GRIN3A: variants seen among roughly 807,000 people sequenced by gnomAD.
The protein encoded by GRIN3A is glutamate receptor ionotropic, NMDA 3A.
A neutral mutation model predicts 92.4 loss-of-function variants in GRIN3A; 47 were observed. The observed-to-expected ratio is 0.51, with a 90% CI of 0.40 to 0.65. The LOEUF is 0.65. Ranked by LOEUF, GRIN3A falls within the 30% of genes least tolerant of loss-of-function variation. The pLI is 0.00. For missense variants in GRIN3A, 1,324 were observed against 1,393.1 expected, an observed-to-expected ratio of 0.95 and a Z score of 0.79; for synonymous variants, 527 against 540.6, an observed-to-expected ratio of 0.97 and a Z score of 0.35.
At chr9:101,693,285 T>C (rs928419441) in intron 1 of GRIN3A, among the ~76,000 whole-genome samples, 3 of 148,220 alleles carry the variant, frequency 2.0e-5, no homozygotes, top group Non-Finnish European at 3.0e-5. Flanking sequence ...CACGGAGGGG[T>C]CACACGTGCC....
Position 101,736,809 on chromosome 9 carries a change from A to G in GRIN3A, c.699+472T>C, listed in dbSNP as rs1245336823. Reference sequence around the variant, plus strand: ...CTCAGGCACACCTTCTGAAGAAGTCAGAGAGAGCAGATGCTGCTTTTCCGA... The same window carrying G: ...CTCAGGCACACCTTCTGAAGAAGTCGGAGAGAGCAGATGCTGCTTTTCCGA... On this transcript the variant is annotated intron_variant, in intron 1 of 8. Coordinates refer to ENST00000361820, the MANE Select transcript of GRIN3A (RefSeq NM_133445.3). 2.0e-5 allele frequency among the ~76,000 whole-genome samples: 3 copies of G among 152,276 alleles called. No individual in the cohort carries two copies. In the East Asian group the frequency reaches 5.8e-4, roughly 29 times the overall value.
Position 101,613,496 on chromosome 9 carries a change from T to A in GRIN3A, c.2646A>T (p.Pro882=). 6.2e-7 allele frequency: 1 copy of A among 1,614,188 alleles called. No individual in the cohort carries two copies. Among genetic ancestry groups the A allele is most frequent in the Non-Finnish European group, 8.5e-7 (1 of 1,180,024 alleles). ...TTAGCTCGGATATGTTGGCGGTCAA[T>A]GGAGAGTTGGGTGGGAGGCCAATGC... is the stretch of plus-strand genomic sequence containing the variant. The part of the protein sequence containing the change: ...GYGIGLPPNS[P]LTANISELIS... The change falls in exon 6 of 9, where the codon CCA becomes CCT. Residue 882 remains proline, a synonymous_variant. Transcript: ENST00000361820.
intron 2 of GRIN3A, among the ~76,000 whole-genome samples, chr9:101,673,116 C>T (rs932482630): frequency 2.6e-5 from 4 of 151,910 alleles, no homozygotes; most frequent in African/African-American, 9.7e-5. Flanking sequence ...AAAGAGGAAC[C>T]CTTCATTATT....
In GRIN3A at chr9:101,708,665, C is replaced by G. The variant is rs141478070; in HGVS notation, c.700-21465G>C. Among the ~76,000 whole-genome samples the G allele has an allele frequency of 2.2e-3, 334 of 152,234 alleles. 1 individual carries two copies. Among genetic ancestry groups the G allele is most frequent in the Non-Finnish European group, 3.4e-3 (231 of 67,982 alleles). ...AGAGATCCAGAATTAAATTTATCAT[C>G]TTTGTTCAAAGCATAAATCTTCAGA... On this transcript the variant is annotated intron_variant, in intron 1 of 8. Transcript: ENST00000361820.
At chr9:101,694,178 A>G (rs942215493) in intron 1 of GRIN3A, among the ~76,000 whole-genome samples, 14 of 152,202 alleles carry the variant, frequency 9.2e-5, no homozygotes, top group Non-Finnish European at 1.9e-4. Flanking sequence ...CCCACTTCTT[A>G]AAATAGAGTA....
chr9:101,588,552 G>C (rs1337827376), intron 6 of GRIN3A, among the ~76,000 whole-genome samples: 1 of 152,026 alleles, frequency 6.6e-6, no homozygotes, highest in Non-Finnish European at 1.5e-5. Context: ...CATTAGCTCT[G>C]TTGTGCAGTT....
rs1829965447 is a variant in GRIN3A, at chr9:101,717,791, G to C, written c.699+19490C>G. Among the ~76,000 whole-genome samples, 3 of 152,326 alleles carry C rather than the reference G, an allele frequency of 2.0e-5. No homozygotes were observed. In the South Asian group the frequency reaches 6.2e-4, roughly 32 times the overall value. ...GGAAAGCAGTGGTTCAAAGATGTGAGAACAATGTCACTTTCTGTCATTTGT... is the reference window on the plus strand; with the variant it reads ...GGAAAGCAGTGGTTCAAAGATGTGACAACAATGTCACTTTCTGTCATTTGT... On this transcript the variant is annotated intron_variant, in intron 1 of 8. Transcript: ENST00000361820.
chr9:101,695,612 C>G (rs1184582743), intron 1 of GRIN3A, among the ~76,000 whole-genome samples: 1 of 152,120 alleles, frequency 6.6e-6, no homozygotes, highest in Admixed American at 6.5e-5. Context: ...AATGTGACAG[C>G]AGAACCTGAC....
intron 3 of GRIN3A, 108 bp downstream of exon 3, chr9:101,669,952 A>G (rs943118116): frequency 1.2e-6 from 1 of 844,678 alleles, no homozygotes. Flanking sequence ...CTTGGCTGAG[A>G]GAATATTCCT....
At chr9:101,628,686 T>G (rs907714587) in intron 3 of GRIN3A, among the ~76,000 whole-genome samples, 4 of 152,168 alleles carry the variant, frequency 2.6e-5, no homozygotes, top group Admixed American at 1.3e-4. Context: ...CCATGCAAAT[T>G]GGCATGTAGA....
chr9:101,699,552 C>T (rs1302178068), intron 1 of GRIN3A, among the ~76,000 whole-genome samples: 1 of 152,136 alleles, frequency 6.6e-6, no homozygotes, highest in African/African-American at 2.4e-5. Context: ...AATTGCTAAC[C>T]AGCCCTTATA....
intron 1 of GRIN3A, among the ~76,000 whole-genome samples, chr9:101,706,753 C>A (rs1829819585): frequency 6.6e-6 from 1 of 152,142 alleles, no homozygotes; most frequent in Non-Finnish European, 1.5e-5. Context: ...TCAGATGGAC[C>A]AGGAAGCTTC....
At chr9:101,660,083 A>G (rs1829152842) in intron 3 of GRIN3A, among the ~76,000 whole-genome samples, 2 of 151,738 alleles carry the variant, frequency 1.3e-5, no homozygotes, top group Non-Finnish European at 2.9e-5. Context: ...TGTCTGATCC[A>G]TATAAGACCC....
intron 1 of GRIN3A, among the ~76,000 whole-genome samples, chr9:101,714,511 TCAGA>T (rs1173604489): frequency 1.3e-5 from 2 of 152,164 alleles, no homozygotes; most frequent in African/African-American, 2.4e-5. Flanking sequence ...CAGTTAGAAC[TCAGA>T]CAGCTCCTCT....
chr9:101,633,772 C>T (rs898410659), intron 3 of GRIN3A, among the ~76,000 whole-genome samples: 5 of 151,000 alleles, frequency 3.3e-5, no homozygotes, highest in Non-Finnish European at 7.4e-5. Context: ...AAAAATTGTC[C>T]ACAAAATCGG....
At chr9:101,687,379 T>C (rs911695384) in intron 1 of GRIN3A, among the ~76,000 whole-genome samples, 179 bp from the exon 2 acceptor site, 2 of 152,186 alleles carry the variant, frequency 1.3e-5, no homozygotes, top group African/African-American at 2.4e-5. Context: ...TATTGATTCC[T>C]AACAACTGAT....
chr9:101,590,562 A>T (rs191122777), intron 6 of GRIN3A, among the ~76,000 whole-genome samples: 1 of 151,852 alleles, frequency 6.6e-6, no homozygotes, highest in Admixed American at 6.6e-5. Flanking sequence ...TTGTATTTTT[A>T]GTAGAGATGG....
intron 1 of GRIN3A, among the ~76,000 whole-genome samples, chr9:101,715,099 C>A (rs1209254172): frequency 6.7e-6 from 1 of 149,482 alleles, no homozygotes; most frequent in Non-Finnish European, 1.5e-5. Flanking sequence ...GGACATTCTT[C>A]AATCAACTAG....
intron 1 of GRIN3A, among the ~76,000 whole-genome samples, chr9:101,715,570 T>C (rs1829934496): frequency 6.6e-6 from 1 of 152,200 alleles, no homozygotes; most frequent in African/African-American, 2.4e-5. Flanking sequence ...TTCTAAAGTT[T>C]CACATTTTTT....
Sources: gnomAD v4.1 joint callset for allele counts (sites outside exome capture counted in the v4.1 genomes callset) on GRCh38, gnomAD v4.1.1 for gene constraint, MANE v1.5 for transcripts, NCBI Gene and HGNC (gene_info 2026-07-23, HGNC 2026-07-21) for gene names.